The following PLCB4 variants were observed in gnomAD, a reference collection of about 807,000 sequenced individuals.
PLCB4 encodes 1-phosphatidylinositol 4,5-bisphosphate phosphodiesterase beta-4.
A neutral mutation model predicts 178.8 loss-of-function variants in PLCB4; 77 were observed. That is an observed-to-expected ratio of 0.43 (90% CI 0.36 to 0.52). The LOEUF (loss-of-function observed/expected upper bound fraction) is 0.52, where lower values mean the gene tolerates loss of function less well. Among genes scored for constraint, PLCB4 ranks in the 20% least tolerant of loss-of-function variants. The pLI, the probability that PLCB4 is intolerant of heterozygous loss-of-function variation, is 0.00. For synonymous variants in PLCB4, 496 were observed against 490.8 expected (o/e 1.01, Z -0.14); for missense variants, 1,024 against 1,453.4 (o/e 0.70, Z 4.80).
intron 34 of PLCB4, 58 bp downstream of exon 34, chr20:9,457,547 A>G: frequency 1.2e-6 from 1 of 836,930 alleles, no homozygotes; most frequent in Non-Finnish European, 2.1e-6. Context: ...GTAATTTTTT[A>G]GAAGGAGTAC....
chr20:9,334,516 T>C (rs1254137360), intron 4 of PLCB4, among the ~76,000 whole-genome samples: 3 of 152,164 alleles, frequency 2.0e-5, no homozygotes, highest in Non-Finnish European at 4.4e-5. Context: ...TAATCTTGAA[T>C]TTAAACTAAA....
At chr20:9,446,481 A>C (rs1325297999) in intron 32 of PLCB4, among the ~76,000 whole-genome samples, 1 of 152,260 alleles carries the variant, frequency 6.6e-6, no homozygotes, top group Non-Finnish European at 1.5e-5. Context: ...AGAGTTGTCC[A>C]TTAACTCCCT....
In PLCB4 at chr20:9,353,333, A is replaced by T. The variant is rs12480290; in HGVS notation, c.370-9563A>T. Among the ~76,000 whole-genome samples, 158 of 152,270 alleles carry T rather than the reference A, an allele frequency of 1.0e-3. 1 individual carries two copies. The highest frequency in any genetic ancestry group is 4.9e-3 in the Admixed American group (75 of 15,294). ...CTCATCTTTCTTGCAGCAACAGTTC[A>T]TGGTGAATTGCCCTCTTGTCCCATG... is the stretch of plus-strand genomic sequence containing the variant. On this transcript the variant is annotated intron_variant, in intron 7 of 39. Coordinates refer to ENST00000378473, the MANE Select transcript of PLCB4 (RefSeq NM_001377142.1).
intron 3 of PLCB4, among the ~76,000 whole-genome samples, chr20:9,279,322 G>A (rs2094474751): frequency 6.6e-6 from 1 of 152,010 alleles, no homozygotes. Flanking sequence ...TTTCAGACTT[G>A]GACATGAGCT....
intron 2 of PLCB4, among the ~76,000 whole-genome samples, chr20:9,164,979 T>C (rs573303873): frequency 6.6e-6 from 1 of 152,180 alleles, no homozygotes; most frequent in Non-Finnish European, 1.5e-5. Context: ...CACATATGCA[T>C]GCAAACACTA....
intron 3 of PLCB4, among the ~76,000 whole-genome samples, chr20:9,269,145 T>C (rs2094378540): frequency 6.6e-6 from 1 of 152,228 alleles, no homozygotes; most frequent in Admixed American, 6.5e-5. Flanking sequence ...ACAGCACTTA[T>C]TTTAGGCTTA....
At chr20:9,346,389 T>C (rs1184246060) in intron 7 of PLCB4, among the ~76,000 whole-genome samples, 2 of 152,200 alleles carry the variant, frequency 1.3e-5, no homozygotes. Flanking sequence ...AGTGGTCTGA[T>C]GCCCAGGCTC....
intron 7 of PLCB4, among the ~76,000 whole-genome samples, chr20:9,346,726 A>C (rs934074775): frequency 6.6e-6 from 1 of 152,196 alleles, no homozygotes; most frequent in African/African-American, 2.4e-5. Context: ...AGAACAAATA[A>C]TTGAGTGCAT....
chr20:9,401,562 A>G lies in PLCB4; in HGVS notation c.1583A>G (p.Lys528Arg). 1 of 1,613,560 alleles carries G rather than the reference A, an allele frequency of 6.2e-7. No homozygotes were observed. The highest frequency in any genetic ancestry group is 1.1e-5 in the South Asian group (1 of 91,038). The change falls in exon 20 of 40, where the codon AAG becomes AGG. Residue 528 changes from lysine (K) to arginine (R), a missense_variant. Physicochemically the swap from Lys to Arg is conservative, Grantham distance 26. Transcript: ENST00000378473. ...CTTTCTGCTGATGACTTGGGTCACA[A>G]GGAAGCTGTTGCAAATAGCGTCAAG... Reference protein sequence around the residue: ...NELSADDLGHKEAVANSVKKA... With the variant: ...NELSADDLGHREAVANSVKKA...
chr20:9,180,007 T>A (rs2093219424), intron 2 of PLCB4, among the ~76,000 whole-genome samples: 1 of 152,230 alleles, frequency 6.6e-6, no homozygotes, highest in Non-Finnish European at 1.5e-5. Context: ...GAATTCACTA[T>A]AAAACACAAG....
chr20:9,341,252 G>C (rs2033156245), intron 7 of PLCB4, among the ~76,000 whole-genome samples: 1 of 152,090 alleles, frequency 6.6e-6, no homozygotes, highest in Non-Finnish European at 1.5e-5. Flanking sequence ...GATGTGTACT[G>C]TTGGCCCTTG....
At chr20:9,112,534 A>G (rs181405907) in intron 2 of PLCB4, among the ~76,000 whole-genome samples, 10 of 152,204 alleles carry the variant, frequency 6.6e-5, no homozygotes, top group South Asian at 4.1e-4. Flanking sequence ...GATTACAGGT[A>G]TGAGCCACTG....
chr20:9,310,430 G>T (rs1468855098), intron 4 of PLCB4, among the ~76,000 whole-genome samples: 1 of 152,160 alleles, frequency 6.6e-6, no homozygotes, highest in East Asian at 1.9e-4. Flanking sequence ...AAAGAAAGCA[G>T]CTGGGCACAG....
chr20:9,209,912 C>T (rs1274175039), intron 2 of PLCB4, among the ~76,000 whole-genome samples: 2 of 135,530 alleles, frequency 1.5e-5, no homozygotes, highest in Admixed American at 8.9e-5. Flanking sequence ...TGCAGTGAGT[C>T]GAGATCGAGC....
chr20:9,443,727 C>T (rs892658857), intron 30 of PLCB4, among the ~76,000 whole-genome samples: 1 of 152,006 alleles, frequency 6.6e-6, no homozygotes, highest in Admixed American at 6.6e-5. Context: ...TGAGAGTCTG[C>T]CCTCAATCAA....
At chr20:9,299,303 A>G (rs1471951826) in intron 3 of PLCB4, among the ~76,000 whole-genome samples, 1 of 152,068 alleles carries the variant, frequency 6.6e-6, no homozygotes, top group African/African-American at 2.4e-5. Context: ...TTTAGAAAAT[A>G]TTTTTTCTGG....
In PLCB4 at chr20:9,223,548, G is replaced by A. The variant is rs534956202; in HGVS notation, c.-16+6096G>A. On this transcript the variant is annotated intron_variant, in intron 3 of 39. Transcript: ENST00000378473. Reference sequence around the variant, plus strand: ...GAGCAGGCAGCTGGTATGGCTCAGCGTTTCTTCCTCCTCACCCAGTCTCAT... The same window carrying A: ...GAGCAGGCAGCTGGTATGGCTCAGCATTTCTTCCTCCTCACCCAGTCTCAT... 7.2e-5 allele frequency among the ~76,000 whole-genome samples: 11 copies of A among 152,278 alleles called. No individual in the cohort carries two copies. In the East Asian group the frequency reaches 1.4e-3, roughly 19 times the overall value.
At chr20:9,319,380 G>A (rs558142185) in intron 4 of PLCB4, among the ~76,000 whole-genome samples, 64 of 152,154 alleles carry the variant, frequency 4.2e-4, no homozygotes, top group African/African-American at 1.3e-3. Flanking sequence ...TTTTTGAGAG[G>A]GTGCTGTATT....
intron 25 of PLCB4, among the ~76,000 whole-genome samples, chr20:9,419,305 G>A (rs2040464875): frequency 6.6e-6 from 1 of 152,116 alleles, no homozygotes; most frequent in Non-Finnish European, 1.5e-5. Context: ...TCTCACCAAT[G>A]TAAATCACAG....
Sources: gnomAD v4.1 joint callset for allele counts (sites outside exome capture counted in the v4.1 genomes callset) on GRCh38, gnomAD v4.1.1 for gene constraint, MANE v1.5 for transcripts, NCBI Gene and HGNC (gene_info 2026-07-23, HGNC 2026-07-21) for gene names.